Variants in SCNN1A observed in about 807,000 individuals in gnomAD.
SCNN1A encodes epithelial sodium channel subunit alpha.
In SCNN1A, 65 loss-of-function variants were observed where a neutral mutation model predicts 68.6. The observed-to-expected ratio is 0.95, with a 90% CI of 0.78 to 1.16. The LOEUF (loss-of-function observed/expected upper bound fraction) is 1.16. Ranked by LOEUF, SCNN1A falls within the 50% of genes most tolerant of loss-of-function variation. SCNN1A has a pLI of 0.00. For synonymous variants in SCNN1A, 357 were observed against 353.3 expected (o/e 1.01, Z -0.12); for missense variants, 880 against 865.9 (o/e 1.02, Z -0.20).
Position 6,347,262 on chromosome 12 carries a change from C to T in SCNN1A, c.*611G>A, listed in dbSNP as rs1440006130. The T allele has an allele frequency of 6.5e-6, 1 of 154,996 alleles. No homozygotes were observed. The highest frequency in any genetic ancestry group is 1.4e-5 in the Non-Finnish European group (1 of 69,796). The allele number at this position is 154,996 out of a possible 1,614,324, so 9.6% of individuals were successfully genotyped here. On this transcript the variant is annotated 3_prime_UTR_variant, in exon 13 of 13. Coordinates refer to ENST00000228916, the MANE Select transcript of SCNN1A (RefSeq NM_001038.6). ...GTGCCGGGGCATGGCTCTGTGAGGG[C>T]ACGGGTATGAGGCTAGAGGAGCCCT...
intron 2 of SCNN1A, among the ~76,000 whole-genome samples, chr12:6,373,603 C>T (rs1592087099): frequency 1.3e-5 from 2 of 152,198 alleles, no homozygotes; most frequent in African/African-American, 2.4e-5. Flanking sequence ...CTCTTCTCCA[C>T]GCTTACCACC....
At chr12:6,350,701 G>A (rs1440491760) in intron 8 of SCNN1A, among the ~76,000 whole-genome samples, 12 of 152,070 alleles carry the variant, frequency 7.9e-5, no homozygotes, top group Admixed American at 7.9e-4. Context: ...GTCGGGTGTG[G>A]TGGTGCACAC....
rs1306774013 is a variant in SCNN1A, at chr12:6,363,672, C to T, written c.455G>A (p.Arg152His). The change falls in exon 3 of 13, where the codon CGC (arginine) becomes CAC (histidine). Residue 152 changes from arginine to histidine, a missense_variant. By Grantham distance (29) the Arg-to-His change is conservative (BLOSUM62 0). This residue lies in a region of SCNN1A where 758 missense variants were observed against 721.8 expected (regional missense o/e 1.05). Transcript: ENST00000228916. Reference sequence around the variant, plus strand: ...GTCAAAGAGCGTCTGCTCTGTGATGCGGTCCAGCTCCTCCAGCTCCTCTTT... The same window carrying T: ...GTCAAAGAGCGTCTGCTCTGTGATGTGGTCCAGCTCCTCCAGCTCCTCTTT... ...EIKEELEELD[R>H]ITEQTLFDLY... 2.9e-5 allele frequency: 46 copies of T among 1,604,330 alleles called. No homozygotes were observed. The highest frequency in any genetic ancestry group is 3.8e-5 in the Non-Finnish European group (45 of 1,174,588).
Position 6,348,144 on chromosome 12 carries a change from A to G in SCNN1A, c.1739T>C (p.Met580Thr), listed in dbSNP as rs764895703. 16 of 1,614,084 alleles carry G rather than the reference A, an allele frequency of 9.9e-6. No homozygotes were observed. Among genetic ancestry groups the G allele is most frequent in the African/African-American group, 5.3e-5 (4 of 74,936 alleles). ...GAACCTTCGGAGCAGCATGAGGAAC[A>G]TGATGACCAGCAGGTCAAAGACGAG... is the stretch of plus-strand genomic sequence containing the variant. ...AELVFDLLVI[M>T]FLMLLRRFRS... The change falls in exon 13 of 13, where the codon ATG becomes ACG. Residue 580 changes from methionine to threonine, a missense_variant. By Grantham distance (81) the Met-to-Thr change is moderately conservative. Around this residue, in one of 3 missense-constraint regions of SCNN1A, gnomAD observed 758 missense variants for 721.8 expected, o/e 1.05. Transcript: ENST00000228916.
chr12:6,354,113 C>T (rs2136865077), intron 8 of SCNN1A, among the ~76,000 whole-genome samples: 1 of 151,874 alleles, frequency 6.6e-6, no homozygotes, highest in East Asian at 2.0e-4. Context: ...TGCCTGTAGT[C>T]CCAGCTATTC....
chr12:6,363,539 C>T lies in SCNN1A; in HGVS notation c.588G>A (p.Pro196=), dbSNP rs1382581078. 1.2e-6 allele frequency: 2 copies of T among 1,609,342 alleles called. No individual in the cohort carries two copies. Among genetic ancestry groups the T allele is most frequent in the South Asian group, 2.2e-5 (2 of 90,588 alleles). ...TACGGGCTCGACGGGCCCCGTGAGG[C>T]GGGGGCGGGACCCTCAGGCGCTGCA... is the stretch of plus-strand genomic sequence containing the variant. ...HPLQRLRVPP[P]PHGARRARSV... The change falls in exon 3 of 13, where the codon CCG becomes CCA. Residue 196 remains proline (P), a synonymous_variant. Transcript: ENST00000228916.
intron 4 of SCNN1A, among the ~76,000 whole-genome samples, chr12:6,361,002 T>C (rs1005467323): frequency 6.6e-6 from 1 of 152,332 alleles, no homozygotes; most frequent in East Asian, 1.9e-4. Context: ...GTCTATAAAG[T>C]GCCCTCACGT....
At chr12:6,348,682 G>C (rs769353450) in intron 12 of SCNN1A, 45 bp downstream of exon 12, 6 of 1,531,588 alleles carry the variant, frequency 3.9e-6, no homozygotes, top group Non-Finnish European at 5.4e-6. Context: ...GCCCTGCTAA[G>C]TAAGACCCCC....
rs575182114 is a variant in SCNN1A, at chr12:6,372,348, T to C, written c.416+2020A>G. 6.8e-6 allele frequency among the ~76,000 whole-genome samples: 1 copy of C among 146,498 alleles called. No individual in the cohort carries two copies. The highest frequency in any genetic ancestry group is 6.7e-5 in the Admixed American group (1 of 14,896). On this transcript the variant is annotated intron_variant, in intron 2 of 12. Transcript: ENST00000228916. The surrounding 1 kb of genome is among the most constrained non-coding windows in gnomAD (Gnocchi z 5.8). ...TGTGACTACAAGGTCAAGTGTGTAG[T>C]GCTTGGTGGGTGTTGCATCTCCTCC...
chr12:6,363,985 GCT>G lies in SCNN1A; in HGVS notation c.417-277_417-276del, dbSNP rs1290053159. ...AGGAGGCGCCTGTCGTCTGTGGGGC[GCT>G]CTCCCCCTCGCCCGGACCTAGAAGG... is the stretch of plus-strand genomic sequence containing the variant. On this transcript the variant is annotated intron_variant, in intron 2 of 12. Coordinates refer to ENST00000228916, the MANE Select transcript of SCNN1A (RefSeq NM_001038.6). The G allele has an allele frequency of 1.0e-4, 35 of 333,776 alleles. 1 individual carries two copies. Among genetic ancestry groups the G allele is most frequent in the Middle Eastern group, 1.5e-3 (2 of 1,338 alleles). The allele number at this position is 333,776 out of a possible 1,614,324, so 20.7% of individuals were successfully genotyped here.
chr12:6,354,653 C>A, intron 7 of SCNN1A, 97 bp downstream of exon 7: 1 of 1,412,892 alleles, frequency 7.1e-7, no homozygotes, highest in Non-Finnish European at 1.0e-6. Flanking sequence ...CCCCCAGTTT[C>A]CCTCTCTCTC....
intron 3 of SCNN1A, among the ~76,000 whole-genome samples, chr12:6,362,939 TC>T (rs201298982): frequency 1.0e-5 from 1 of 100,462 alleles, no homozygotes; most frequent in Non-Finnish European, 2.0e-5. Context: ...CGCCTAGGCC[TC>T]CCAAAGTGCT....
At chr12:6,358,087 A>G (rs913450331) in intron 4 of SCNN1A, among the ~76,000 whole-genome samples, 1 of 152,344 alleles carries the variant, frequency 6.6e-6, no homozygotes, top group South Asian at 2.1e-4. Flanking sequence ...GTGGGACCAA[A>G]CAAGTTACTT....
At chr12:6,366,638 T>C (rs1350332720) in intron 2 of SCNN1A, among the ~76,000 whole-genome samples, 1 of 151,832 alleles carries the variant, frequency 6.6e-6, no homozygotes, top group Non-Finnish European at 1.5e-5. Context: ...CTGTCTCTAC[T>C]AAAAATGCAA....
chr12:6,348,378 C>T (rs1948302198), intron 12 of SCNN1A, 125 bp from the exon 13 acceptor site: 2 of 1,548,534 alleles, frequency 1.3e-6, no homozygotes, highest in South Asian at 2.4e-5. Flanking sequence ...GTCCTCTCAG[C>T]CTCTCAGCAG....
At chr12:6,348,324 C>T (rs113961044) in intron 12 of SCNN1A, 71 bp from the exon 13 acceptor site, 15 of 1,609,092 alleles carry the variant, frequency 9.3e-6, no homozygotes, top group Non-Finnish European at 2.5e-6. Flanking sequence ...GAGCCCCCTT[C>T]CCTCCTCACC....
At chr12:6,359,329 G>A (rs1948546768) in intron 4 of SCNN1A, among the ~76,000 whole-genome samples, 1 of 151,578 alleles carries the variant, frequency 6.6e-6, no homozygotes, top group Non-Finnish European at 1.5e-5. Context: ...GGAAAGGGGT[G>A]AGAAAGCCAT....
upstream of SCNN1A, chr12:6,375,581 C>A: frequency 6.5e-7 from 1 of 1,533,768 alleles, no homozygotes; most frequent in Non-Finnish European, 8.7e-7. Context: ...ATCTCATTAG[C>A]ATCTCAATTA....
chr12:6,348,605 T>C, intron 12 of SCNN1A, 122 bp downstream of exon 12: 1 of 935,408 alleles, frequency 1.1e-6, no homozygotes, highest in East Asian at 2.4e-5. Flanking sequence ...TCTTCTTTGG[T>C]CCCCTGCCTT....
Sources: gnomAD v4.1 joint callset for allele counts (sites outside exome capture counted in the v4.1 genomes callset) on GRCh38, gnomAD v4.1.1 for gene constraint, gnomAD v4.1.1 regional missense constraint, Gnocchi (gnomAD v3.1) non-coding constraint, MANE v1.5 for transcripts, NCBI Gene and HGNC (gene_info 2026-07-23, HGNC 2026-07-21) for gene names.